Variants in BBX observed in about 807,000 individuals in gnomAD.
BBX encodes BBX high mobility group box domain containing.
Under a neutral mutation model 100.2 loss-of-function variants are expected in BBX, and 30 were observed. The observed-to-expected ratio is 0.30, with a 90% confidence interval of 0.22 to 0.41. The LOEUF (loss-of-function observed/expected upper bound fraction) is 0.41, where lower values mean the gene tolerates loss of function less well. Ranked by LOEUF, BBX falls within the 10% of genes least tolerant of loss-of-function variation. The pLI is 1.00. For synonymous variants in BBX, 376 were observed against 388.1 expected (o/e 0.97, Z 0.37); for missense variants, 1,023 against 1,129.8 (o/e 0.91, Z 1.35).
intron 5 of BBX, among the ~76,000 whole-genome samples, chr3:107,718,503 A>G (rs1010604169): frequency 3.3e-5 from 5 of 151,824 alleles, no homozygotes; most frequent in South Asian, 4.1e-4. Flanking sequence ...CATTTTTCAT[A>G]GTCATGCTTA....
In BBX at chr3:107,805,684, A is replaced by C. The variant is rs2071015977; in HGVS notation, c.*227A>C. 1 of 715,310 alleles carries C rather than the reference A, an allele frequency of 1.4e-6. No homozygotes were observed. The highest frequency in any genetic ancestry group is 3.0e-5 in the Admixed American group (1 of 32,820). 44.3% of individuals were successfully genotyped at this position (715,310 alleles called of 1,614,324 possible). ...GGTTATCTGTCTGATACTGAGCAGA[A>C]ACAGAATGATCCTGGAGCTTTGCTT... is the stretch of plus-strand genomic sequence containing the variant. On this transcript the variant is annotated 3_prime_UTR_variant, in exon 18 of 18. Coordinates refer to ENST00000325805, the MANE Select transcript of BBX (RefSeq NM_001142568.3).
chr3:107,701,465 T>G (rs1407538584), intron 3 of BBX, among the ~76,000 whole-genome samples: 2 of 152,202 alleles, frequency 1.3e-5, no homozygotes, highest in East Asian at 3.8e-4. Flanking sequence ...GTGTTTAGCA[T>G]GTAGCAAATG....
At chr3:107,613,911 A>C (rs1042779573) in intron 2 of BBX, among the ~76,000 whole-genome samples, 11 of 141,402 alleles carry the variant, frequency 7.8e-5, no homozygotes, top group Non-Finnish European at 1.4e-4. Context: ...AGAATGCTGT[A>C]TAGCTGAAAT....
chr3:107,700,570 T>C (rs544755838), intron 3 of BBX, among the ~76,000 whole-genome samples: 2 of 150,160 alleles, frequency 1.3e-5, no homozygotes, highest in East Asian at 1.9e-4. Context: ...GTATATCTCC[T>C]AATGCTATCC....
chr3:107,758,549 A>G (rs552909271), intron 10 of BBX, among the ~76,000 whole-genome samples: 3 of 152,276 alleles, frequency 2.0e-5, no homozygotes, highest in Admixed American at 1.3e-4. Flanking sequence ...GTGTGCCTGC[A>G]AGCAGGAGTG....
intron 7 of BBX, among the ~76,000 whole-genome samples, chr3:107,736,175 C>G (rs964424127): frequency 6.6e-6 from 1 of 151,916 alleles, no homozygotes; most frequent in Non-Finnish European, 1.5e-5. Flanking sequence ...AAGCATGTCC[C>G]TACTGAGACC....
intron 7 of BBX, among the ~76,000 whole-genome samples, chr3:107,740,051 G>C (rs1005947762): frequency 6.6e-6 from 1 of 151,902 alleles, no homozygotes; most frequent in African/African-American, 2.4e-5. Context: ...CTTCCATTTA[G>C]CCAGATGACT....
At chr3:107,722,618 A>G (rs2062624775) in intron 5 of BBX, among the ~76,000 whole-genome samples, 1 of 151,920 alleles carries the variant, frequency 6.6e-6, no homozygotes, top group Non-Finnish European at 1.5e-5. Context: ...TATTCAAACC[A>G]CTTTTTCAAG....
At chr3:107,745,667 T>C (rs753553600) in intron 8 of BBX, among the ~76,000 whole-genome samples, 3 of 152,050 alleles carry the variant, frequency 2.0e-5, no homozygotes, top group Non-Finnish European at 4.4e-5. Context: ...TTGCCCAGGC[T>C]GTTCTTGAAT....
intron 2 of BBX, among the ~76,000 whole-genome samples, chr3:107,547,860 G>C (rs991904214): frequency 2.0e-5 from 3 of 151,990 alleles, no homozygotes; most frequent in African/African-American, 7.3e-5. Flanking sequence ...GAGAGGTTGA[G>C]TAACTTAGGT....
intron 2 of BBX, among the ~76,000 whole-genome samples, chr3:107,554,747 G>T (rs1327628765): frequency 6.7e-6 from 1 of 148,810 alleles, no homozygotes; most frequent in African/African-American, 2.5e-5. Context: ...ATTCTTAATT[G>T]TGTCCTGAGT....
rs1445450379 is a variant in BBX at position 107,805,758 on chromosome 3, G to C, written c.*301G>C. The C allele has an allele frequency of 5.0e-6, 2 of 399,638 alleles. No individual in the cohort carries two copies. The highest frequency in any genetic ancestry group is 8.2e-5 in the Admixed American group (2 of 24,502). 24.8% of individuals were successfully genotyped at this position (399,638 alleles called of 1,614,324 possible). Reference sequence around the variant, plus strand: ...ATAGGTGGTAACTTGGTAAAAGGCTGCCTTTACTGTAGCTCACCCAGCATC... The same window carrying C: ...ATAGGTGGTAACTTGGTAAAAGGCTCCCTTTACTGTAGCTCACCCAGCATC... On this transcript the variant is annotated 3_prime_UTR_variant, in exon 18 of 18. Coordinates refer to ENST00000325805, the MANE Select transcript of BBX (RefSeq NM_001142568.3).
At chr3:107,620,124 T>A (rs1197082014) in intron 2 of BBX, among the ~76,000 whole-genome samples, 4 of 149,814 alleles carry the variant, frequency 2.7e-5, no homozygotes. Context: ...TCTTTTGTTT[T>A]ATTTTCTCCT....
intron 3 of BBX, among the ~76,000 whole-genome samples, chr3:107,681,204 C>A (rs1039875075): frequency 1.3e-5 from 2 of 152,014 alleles, no homozygotes; most frequent in South Asian, 2.1e-4. Context: ...TTGTTAGCAA[C>A]CAGAGGTCAC....
chr3:107,613,924 A>G (rs1410643822), intron 2 of BBX, among the ~76,000 whole-genome samples: 4 of 143,796 alleles, frequency 2.8e-5, no homozygotes, highest in African/African-American at 5.1e-5. Context: ...GCTGAAATTC[A>G]GGGTCAACAT....
intron 9 of BBX, among the ~76,000 whole-genome samples, chr3:107,751,609 C>T (rs1185778782): frequency 6.6e-6 from 1 of 151,984 alleles, no homozygotes; most frequent in African/African-American, 2.4e-5. Context: ...CAAATCTGAT[C>T]ATTGAAAAGC....
chr3:107,719,658 C>T (rs2107413997), intron 5 of BBX, among the ~76,000 whole-genome samples: 1 of 152,140 alleles, frequency 6.6e-6, no homozygotes, highest in South Asian at 2.1e-4. Context: ...TTTTAAAAGA[C>T]TATTCTAAGA....
chr3:107,695,644 G>T (rs2060534756), intron 3 of BBX, among the ~76,000 whole-genome samples: 1 of 151,606 alleles, frequency 6.6e-6, no homozygotes, highest in African/African-American at 2.4e-5. Context: ...AATAGGTGTG[G>T]TGTGGTGCTG....
At chr3:107,566,556 G>GTT (rs34151023) in intron 2 of BBX, among the ~76,000 whole-genome samples, 29 of 130,910 alleles carry the variant, frequency 2.2e-4, no homozygotes, top group African/African-American at 6.5e-4. Context: ...TACCTTTTTT[G>GTT]TTTTTTTTTT....
Sources: allele counts gnomAD v4.1 joint callset (sites outside exome capture counted in the v4.1 genomes callset), GRCh38; gene constraint gnomAD v4.1.1; transcripts MANE v1.5; gene names NCBI Gene and HGNC (gene_info 2026-07-23, HGNC 2026-07-21).